SLC26A7: variants seen among roughly 807,000 people sequenced by gnomAD.
SLC26A7 encodes anion exchange transporter.
SLC26A7 carries 59 observed loss-of-function variants against 82.5 expected under a neutral mutation model. The ratio of observed to expected loss-of-function variants is 0.72; its 90% CI spans 0.58 to 0.89. The LOEUF is 0.89. Ranked by LOEUF, SLC26A7 falls within the 40% of genes least tolerant of loss-of-function variation. The probability of loss-of-function intolerance (pLI) is 0.00; values close to 1 mark genes in which losing one functional copy is unlikely to be tolerated. For synonymous variants in SLC26A7, 271 were observed against 274.3 expected (o/e 0.99, Z 0.12); for missense variants, 820 against 793.0 (o/e 1.03, Z -0.41).
chr8:91,340,468 G>A lies in SLC26A7; in HGVS notation c.943G>A (p.Val315Met). Reference protein sequence around the residue: ...LSAVITEAFGVALVGYVASLA... With the variant: ...LSAVITEAFGMALVGYVASLA... ...TGCGGTGATCACTGAAGCTTTCGGAGTGGCACTTGTAGGCTATGTGGCCTC... is the reference window on the plus strand; with the variant it reads ...TGCGGTGATCACTGAAGCTTTCGGAATGGCACTTGTAGGCTATGTGGCCTC... Residue 315 changes from valine (V) to methionine (M), a missense_variant, in exon 8 of 19, where the codon GTG (valine) becomes ATG (methionine). Coordinates refer to ENST00000276609, the MANE Select transcript of SLC26A7 (RefSeq NM_052832.4). The A allele has an allele frequency of 1.2e-6, 2 of 1,613,964 alleles. No homozygotes were observed. The highest frequency in any genetic ancestry group is 1.7e-6 in the Non-Finnish European group (2 of 1,179,960).
At chr8:91,268,919 AC>A (rs1811189219) in intron 2 of SLC26A7, among the ~76,000 whole-genome samples, 2 of 141,862 alleles carry the variant, frequency 1.4e-5, no homozygotes, top group African/African-American at 5.3e-5. Context: ...TTAAACTGAT[AC>A]CAACTTAATC....
chr8:91,272,401 C>G (rs1320960630), intron 2 of SLC26A7, among the ~76,000 whole-genome samples: 1 of 152,148 alleles, frequency 6.6e-6, no homozygotes, highest in East Asian at 1.9e-4. Context: ...GACACAAAAG[C>G]AACCAATTAA....
chr8:91,226,498 A>G (rs1234958972), intron 2 of SLC26A7, among the ~76,000 whole-genome samples: 3 of 152,206 alleles, frequency 2.0e-5, no homozygotes, highest in South Asian at 4.1e-4. Flanking sequence ...AAGCTAATAT[A>G]TAATAATGGC....
At chr8:91,277,538 A>G (rs1811438434) in intron 2 of SLC26A7, among the ~76,000 whole-genome samples, 1 of 152,220 alleles carries the variant, frequency 6.6e-6, no homozygotes, top group Admixed American at 6.5e-5. Context: ...AGTGGCTGCA[A>G]TATGTTTACA....
At chr8:91,298,363 T>G (rs966005443) in intron 4 of SLC26A7, among the ~76,000 whole-genome samples, 1 of 152,096 alleles carries the variant, frequency 6.6e-6, no homozygotes, top group Non-Finnish European at 1.5e-5. Flanking sequence ...AACTTATGCA[T>G]TTTTTAGAAG....
chr8:91,312,141 C>A (rs1338804960), intron 4 of SLC26A7, among the ~76,000 whole-genome samples: 4 of 152,138 alleles, frequency 2.6e-5, no homozygotes, highest in Admixed American at 2.0e-4. Flanking sequence ...CCCTTGGAAA[C>A]CATCATTCTA....
intron 5 of SLC26A7, among the ~76,000 whole-genome samples, chr8:91,322,567 A>G (rs1483064729): frequency 6.6e-6 from 1 of 152,146 alleles, no homozygotes. Flanking sequence ...ATCAGAAAGG[A>G]TGTTTTCCCC....
intron 4 of SLC26A7, among the ~76,000 whole-genome samples, chr8:91,304,010 C>G (rs1258937203): frequency 1.3e-5 from 2 of 152,264 alleles, no homozygotes; most frequent in Admixed American, 1.3e-4. Context: ...TAAACTTAAC[C>G]AAGTTAGAAT....
At chr8:91,252,826 C>T (rs1390467686) in intron 2 of SLC26A7, among the ~76,000 whole-genome samples, 1 of 152,116 alleles carries the variant, frequency 6.6e-6, no homozygotes, top group African/African-American at 2.4e-5. Flanking sequence ...AAGTATACTT[C>T]TTCCAGTCCT....
intron 2 of SLC26A7, among the ~76,000 whole-genome samples, chr8:91,265,480 C>T (rs1811085937): frequency 6.6e-6 from 1 of 151,924 alleles, no homozygotes; most frequent in African/African-American, 2.4e-5. Context: ...TCCATAATGG[C>T]TATGCTAATT....
chr8:91,372,457 C>G (rs1814391084), intron 15 of SLC26A7, among the ~76,000 whole-genome samples: 1 of 151,928 alleles, frequency 6.6e-6, no homozygotes, highest in African/African-American at 2.4e-5. Flanking sequence ...TGTGGCTAGC[C>G]AGTTTTCCCA....
At chr8:91,305,895 A>G (rs1421733462) in intron 4 of SLC26A7, among the ~76,000 whole-genome samples, 1 of 152,032 alleles carries the variant, frequency 6.6e-6, no homozygotes, top group African/African-American at 2.4e-5. Context: ...TTAAATGGCC[A>G]TTCTATCATG....
At chr8:91,225,909 G>T (rs759548087) in intron 2 of SLC26A7, among the ~76,000 whole-genome samples, 6 of 151,996 alleles carry the variant, frequency 3.9e-5, no homozygotes, top group Non-Finnish European at 7.4e-5. Flanking sequence ...CAGTCCAGCT[G>T]CTCCTCCTCT....
intron 15 of SLC26A7, among the ~76,000 whole-genome samples, chr8:91,379,601 T>C (rs1814613619): frequency 6.6e-6 from 1 of 152,076 alleles, no homozygotes; most frequent in Non-Finnish European, 1.5e-5. Flanking sequence ...GAGACAATTA[T>C]GTATCTATAT....
chr8:91,344,191 C>G, intron 9 of SLC26A7: 1 of 985,330 alleles, frequency 1.0e-6, no homozygotes, highest in Non-Finnish European at 1.2e-6. Context: ...ATGATCTAGG[C>G]AACCTTAAGA....
intron 1 of SLC26A7, among the ~76,000 whole-genome samples, chr8:91,211,670 A>G (rs953218004): frequency 7.2e-6 from 1 of 137,966 alleles, no homozygotes; most frequent in African/African-American, 2.7e-5. Context: ...AATTTTTTTT[A>G]ATTTGTTAAT....
At chr8:91,350,141 A>G (rs1471522503) in intron 9 of SLC26A7, among the ~76,000 whole-genome samples, 1 of 152,110 alleles carries the variant, frequency 6.6e-6, no homozygotes, top group East Asian at 1.9e-4. Context: ...TACACAAACT[A>G]TGGAAGGGAG....
intron 9 of SLC26A7, among the ~76,000 whole-genome samples, chr8:91,344,464 T>C (rs1813506927): frequency 6.6e-6 from 1 of 152,194 alleles, no homozygotes; most frequent in African/African-American, 2.4e-5. Flanking sequence ...TTGGGCTAAC[T>C]CAAACATTCA....
Position 91,393,825 on chromosome 8 carries a change from TG to T in SLC26A7, c.1807del (p.Asp603MetfsTer4). ...EVYMDCKGRSVDVLLAHCTAS... is the reference protein window; with the variant it reads ...EVYMDCKGRSXDVLLAHCTAS... ...TACATGGACTGTAAAGGCAGGAGTG[TG>T]GATGTATTGTTAGCCCATTGTACAG... is the stretch of plus-strand genomic sequence containing the variant. On this transcript the variant is annotated frameshift_variant, in exon 17 of 19. Coordinates refer to ENST00000276609, the MANE Select transcript of SLC26A7 (RefSeq NM_052832.4). LOFTEE classifies it high-confidence loss of function. The T allele has an allele frequency of 6.2e-7, 1 of 1,613,716 alleles. No homozygotes were observed. Among genetic ancestry groups the T allele is most frequent in the Non-Finnish European group, 8.5e-7 (1 of 1,179,642 alleles).
Sources: allele counts gnomAD v4.1 joint callset (sites outside exome capture counted in the v4.1 genomes callset), GRCh38; gene constraint gnomAD v4.1.1; transcripts MANE v1.5; gene names NCBI Gene and HGNC (gene_info 2026-07-23, HGNC 2026-07-21).